The following MTA3 variants were observed in gnomAD, a reference collection of about 807,000 sequenced individuals.
The protein encoded by MTA3 is metastasis-associated protein MTA3.
Under a neutral mutation model 83.5 loss-of-function variants are expected in MTA3, and 34 were observed. The ratio of observed to expected loss-of-function variants is 0.41; its 90% confidence interval spans 0.31 to 0.54. The LOEUF (loss-of-function observed/expected upper bound fraction) is 0.54, where lower values mean the gene tolerates loss of function less well. Ranked by LOEUF, MTA3 falls within the 20% of genes least tolerant of loss-of-function variation. MTA3 has a pLI of 0.33. For synonymous variants in MTA3, 303 were observed against 252.7 expected (o/e 1.20, Z -1.89); for missense variants, 761 against 726.4 (o/e 1.05, Z -0.55).
intron 2 of MTA3, among the ~76,000 whole-genome samples, chr2:42,518,809 T>C (rs1359633585): frequency 6.6e-6 from 1 of 151,760 alleles, no homozygotes; most frequent in African/African-American, 2.4e-5. Flanking sequence ...CTACAAATAA[T>C]TTAAAAATTA....
chr2:42,617,771 T>C (rs1044717648), intron 4 of MTA3, among the ~76,000 whole-genome samples: 1 of 142,656 alleles, frequency 7.0e-6, no homozygotes, highest in Non-Finnish European at 1.5e-5. Flanking sequence ...AGTGCAACTC[T>C]GCCTCTAAAA....
intron 3 of MTA3, among the ~76,000 whole-genome samples, chr2:42,585,081 C>G (rs1022130358): frequency 6.6e-6 from 1 of 150,958 alleles, no homozygotes. Context: ...ACATAATAAT[C>G]AAATAATAAT....
At chr2:42,683,439 G>A (rs751440762) in intron 9 of MTA3, among the ~76,000 whole-genome samples, 1 of 152,178 alleles carries the variant, frequency 6.6e-6, no homozygotes, top group Non-Finnish European at 1.5e-5. Flanking sequence ...GACCAGTTTT[G>A]TGGAAGACAG....
At chr2:42,560,108 C>T (rs1292253071) in intron 2 of MTA3, among the ~76,000 whole-genome samples, 2 of 151,856 alleles carry the variant, frequency 1.3e-5, no homozygotes, top group East Asian at 1.9e-4. Context: ...CTGTAACCTC[C>T]GCCTCCCAGG....
Position 42,630,677 on chromosome 2 carries a change from T to G in MTA3, c.318-9496T>G, listed in dbSNP as rs534905694. On this transcript the variant is annotated intron_variant, in intron 4 of 16. Coordinates refer to ENST00000405094, the MANE Select transcript of MTA3 (RefSeq NM_001330442.2). ...TGGATTTTTGGTTTTTTTAGTCTTT[T>G]GCTGTTAAAAATAATACTATAATGA... Among the ~76,000 whole-genome samples the G allele has an allele frequency of 7.2e-5, 11 of 152,350 alleles. No homozygotes were observed. In the South Asian group the frequency reaches 2.3e-3, roughly 32 times the overall value.
At chr2:42,600,311 C>T (rs1682404344) in intron 3 of MTA3, among the ~76,000 whole-genome samples, 1 of 152,042 alleles carries the variant, frequency 6.6e-6, no homozygotes, top group Non-Finnish European at 1.5e-5. Context: ...GTGAAGGGCT[C>T]CCAGAATGAA....
chr2:42,728,150 C>T (rs1027985803), intron 16 of MTA3, among the ~76,000 whole-genome samples: 1 of 152,116 alleles, frequency 6.6e-6, no homozygotes, highest in Non-Finnish European at 1.5e-5. Context: ...TCCATGAGTT[C>T]AATTTTTTTA....
intron 6 of MTA3, among the ~76,000 whole-genome samples, chr2:42,649,225 A>G (rs1042223015): frequency 8.5e-5 from 13 of 152,072 alleles, no homozygotes; most frequent in African/African-American, 2.9e-4. Context: ...GTGAAACCCC[A>G]TCTCTACTAA....
At chr2:42,697,888 C>T in intron 11 of MTA3, 54 bp downstream of exon 11, 1 of 1,249,790 alleles carries the variant, frequency 8.0e-7, no homozygotes, top group Non-Finnish European at 1.1e-6. Flanking sequence ...TTTATCATTG[C>T]AGAATATGTC....
intron 4 of MTA3, among the ~76,000 whole-genome samples, chr2:42,638,766 C>G (rs1409813951): frequency 6.6e-6 from 1 of 150,442 alleles, no homozygotes; most frequent in Non-Finnish European, 1.5e-5. Context: ...AAAAAGAAAA[C>G]CTTTATAAAC....
chr2:42,519,166 G>A (rs1203196305), intron 2 of MTA3, among the ~76,000 whole-genome samples: 1 of 152,112 alleles, frequency 6.6e-6, no homozygotes, highest in Non-Finnish European at 1.5e-5. Context: ...ATGATGTGAT[G>A]AGAATGGCAC....
chr2:42,753,518 T>C lies in MTA3; in HGVS notation c.*119T>C. 6.6e-7 allele frequency: 1 copy of C among 1,521,788 alleles called. No individual in the cohort carries two copies. Among genetic ancestry groups the C allele is most frequent in the East Asian group, 2.5e-5 (1 of 40,226 alleles). The allele number at this position is 1,521,788 out of a possible 1,614,324, so 94.3% of individuals were successfully genotyped here. A position where few individuals can be genotyped will look rare whatever the true frequency, so the allele number is the denominator to read the frequency against. ...TACATTTCAGTGGGAGACCTCTGCG[T>C]GCATCCATGGAGACGCAATGGGGCG... On this transcript the variant is annotated 3_prime_UTR_variant, in exon 17 of 17. Transcript: ENST00000405094.
At chr2:42,497,822 A>G (rs973960026) in intron 2 of MTA3, among the ~76,000 whole-genome samples, 1 of 152,218 alleles carries the variant, frequency 6.6e-6, no homozygotes, top group Non-Finnish European at 1.5e-5. Context: ...ATCTCACTTC[A>G]TGTATGCTTC....
chr2:42,547,696 A>C (rs915750157), intron 2 of MTA3, among the ~76,000 whole-genome samples: 1 of 152,214 alleles, frequency 6.6e-6, no homozygotes, highest in African/African-American at 2.4e-5. Context: ...AGACTTAGCT[A>C]TTGTTACAGG....
chr2:42,601,391 A>G (rs1419104432), intron 3 of MTA3, among the ~76,000 whole-genome samples: 2 of 152,164 alleles, frequency 1.3e-5, no homozygotes, highest in Admixed American at 6.6e-5. Flanking sequence ...CCAATACGCT[A>G]TGAACTATTA....
chr2:42,741,432 A>G (rs1026179842), intron 16 of MTA3, among the ~76,000 whole-genome samples: 1 of 152,218 alleles, frequency 6.6e-6, no homozygotes, highest in African/African-American at 2.4e-5. Flanking sequence ...AAGAGGCCTG[A>G]CTTGCAACCT....
chr2:42,610,172 G>A (rs1684018459), intron 4 of MTA3, among the ~76,000 whole-genome samples: 2 of 152,168 alleles, frequency 1.3e-5, no homozygotes, highest in South Asian at 4.1e-4. Context: ...TATCTTTTCA[G>A]AATGGTACAG....
intron 6 of MTA3, among the ~76,000 whole-genome samples, chr2:42,654,907 C>G (rs1271308995): frequency 1.3e-5 from 2 of 152,222 alleles, no homozygotes; most frequent in African/African-American, 4.8e-5. Context: ...TGAGCCACCA[C>G]ACCCAGCCTC....
chr2:42,542,267 C>T (rs770990934), intron 2 of MTA3, among the ~76,000 whole-genome samples: 3 of 152,064 alleles, frequency 2.0e-5, no homozygotes, highest in South Asian at 2.1e-4. Context: ...CCCATCTCTG[C>T]GAAGGGGATG....
Sources: gnomAD v4.1 joint callset for allele counts (sites outside exome capture counted in the v4.1 genomes callset) on GRCh38, gnomAD v4.1.1 for gene constraint, MANE v1.5 for transcripts, NCBI Gene and HGNC (gene_info 2026-07-23, HGNC 2026-07-21) for gene names.